The following ALPK3 variants were observed in gnomAD, a reference collection of about 807,000 sequenced individuals.
ALPK3 encodes the protein alpha kinase 3.
A neutral mutation model predicts 140.0 loss-of-function variants in ALPK3; 102 were observed. The observed-to-expected ratio is 0.73, with a 90% CI of 0.62 to 0.86. ALPK3 has a LOEUF of 0.86. ALPK3 is among the 40% of genes least tolerant of loss of function. ALPK3 has a pLI of 0.00. For synonymous variants in ALPK3, 938 were observed against 898.5 expected (o/e 1.04, Z -0.79); for missense variants, 2,254 against 2,208.2 (o/e 1.02, Z -0.42).
Position 84,863,596 on chromosome 15 carries a change from C to G in ALPK3, c.4455C>G (p.Phe1485Leu), listed in dbSNP as rs549536913. 4 of 1,613,950 alleles carry G rather than the reference C, an allele frequency of 2.5e-6. No homozygotes were observed. In the African/African-American group the frequency reaches 5.3e-5, roughly 22 times the overall value. Reference sequence around the variant, plus strand: ...TGAGTCGGGAGTACTGCAAAATCTTCGCAGCAGAAGCCCGGGCCGCGCCTG... The same window carrying G: ...TGAGTCGGGAGTACTGCAAAATCTTGGCAGCAGAAGCCCGGGCCGCGCCTG... ...QNMSREYCKI[F>L]AAEARAAPGF... is the part of the protein sequence containing the mutation. The change falls in exon 11 of 14, where the codon TTC becomes TTG. Residue 1485 changes from phenylalanine to leucine, a missense_variant. Around this residue, in one of 3 missense-constraint regions of ALPK3, gnomAD observed 2,088 missense variants for 2,022.9 expected, o/e 1.03. Transcript: ENST00000258888.
intron 5 of ALPK3, among the ~76,000 whole-genome samples, chr15:84,851,187 A>G (rs1279500138): frequency 1.3e-5 from 2 of 152,192 alleles, no homozygotes; most frequent in Non-Finnish European, 2.9e-5. Flanking sequence ...TAAAGAAGAA[A>G]AGAAACTTGA....
In ALPK3 at chr15:84,840,306, G is replaced by A. The variant is rs367619588; in HGVS notation, c.1027G>A (p.Glu343Lys). 2.5e-6 allele frequency: 4 copies of A among 1,613,930 alleles called. No homozygotes were observed. In the African/African-American group the frequency reaches 4.0e-5, roughly 16 times the overall value. Residue 343 changes from glutamate (E) to lysine (K), a missense_variant, in exon 5 of 14, where the codon GAA (glutamate) becomes AAA (lysine). Glu to Lys is a moderately conservative substitution (Grantham distance 56). Transcript: ENST00000258888. ...EKAAQSRRSS[E>K]NCIPSSDEPD... The stretch of plus-strand genomic sequence containing the variant: ...GGCAGCCCAAAGCCGCCGTTCTTCA[G>A]AAAACTGCATCCCCAGCTCAGACGA...
At chr15:84,824,521 C>T (rs1326891350) in intron 2 of ALPK3, among the ~76,000 whole-genome samples, 1 of 152,200 alleles carries the variant, frequency 6.6e-6, no homozygotes, top group Non-Finnish European at 1.5e-5. Flanking sequence ...CTAATGTTTA[C>T]AGACATGATT....
intron 11 of ALPK3, 23 bp from the exon 12 acceptor site, chr15:84,864,419 C>A (rs373989299): frequency 1.9e-6 from 3 of 1,601,828 alleles, no homozygotes; most frequent in Non-Finnish European, 2.6e-6. Context: ...TTCCTGCTTA[C>A]TGCAGGGTGA....
rs766368279 is a variant in ALPK3, at chr15:84,859,797, G to A, written c.3987G>A (p.Ala1329=). The A allele has an allele frequency of 8.1e-6, 13 of 1,613,204 alleles. No individual in the cohort carries two copies. The highest frequency in any genetic ancestry group is 2.7e-5 in the African/African-American group (2 of 75,048). ...VGRSAGDEGP[A]ALAIVQASPV... is the part of the protein sequence containing the mutation. ...GCAGCGCAGGGGATGAGGGGCCGGC[G>A]GCCTTGGCCATCGTGCAGGCCTCCC... The change falls in exon 8 of 14, where the codon GCG becomes GCA. Residue 1329 remains alanine, a synonymous_variant. Transcript: ENST00000258888.
chr15:84,818,201 C>G (rs555376252), intron 1 of ALPK3, among the ~76,000 whole-genome samples: 1 of 152,300 alleles, frequency 6.6e-6, no homozygotes, highest in South Asian at 2.1e-4. Context: ...TAAGGACTTG[C>G]AGCTCTGAGG....
chr15:84,839,255 C>T (rs1963629523), intron 4 of ALPK3, among the ~76,000 whole-genome samples, 158 bp downstream of exon 4: 1 of 152,220 alleles, frequency 6.6e-6, no homozygotes, highest in Non-Finnish European at 1.5e-5. Context: ...CCTGGTGAAC[C>T]ACATCTGCCT....
At position 84,856,618 on chromosome 15, in the gene ALPK3, C is replaced by T; in HGVS notation, c.1880C>T (p.Thr627Ile). Residue 627 changes from threonine to isoleucine, a missense_variant, in exon 6 of 14, where the codon ACA (threonine) becomes ATA (isoleucine). Thr to Ile is a moderately conservative substitution (Grantham distance 89). Around this residue, in one of 3 missense-constraint regions of ALPK3, gnomAD observed 2,088 missense variants for 2,022.9 expected, o/e 1.03. Coordinates refer to ENST00000258888, the MANE Select transcript of ALPK3 (RefSeq NM_020778.5). ...GATGGAAGGACCAGGGGAGATGGAACACAGACAGCCCAGAGGACACGTGCA... is the reference window on the plus strand; with the variant it reads ...GATGGAAGGACCAGGGGAGATGGAATACAGACAGCCCAGAGGACACGTGCA... ...QVDGRTRGDGTQTAQRTRADR... is the reference protein window; with the variant it reads ...QVDGRTRGDGIQTAQRTRADR... 6.2e-7 allele frequency: 1 copy of T among 1,614,080 alleles called. No individual in the cohort carries two copies. Among genetic ancestry groups the T allele is most frequent in the Non-Finnish European group, 8.5e-7 (1 of 1,180,026 alleles).
At position 84,858,161 on chromosome 15, in the gene ALPK3, G is replaced by T. The variant is rs1366088854; in HGVS notation, c.3423G>T (p.Glu1141Asp). The T allele has an allele frequency of 6.2e-7, 1 of 1,609,488 alleles. No homozygotes were observed. The highest frequency in any genetic ancestry group is 8.5e-7 in the Non-Finnish European group (1 of 1,178,328). The part of the protein sequence containing the change: ...ESIAQEPSQE[E>D]KFPGEALTGL... Reference sequence around the variant, plus strand: ...TAGCCCAGGAGCCCTCCCAAGAGGAGAAGTTCCCAGGGGAGGCTCTGACAG... The same window carrying T: ...TAGCCCAGGAGCCCTCCCAAGAGGATAAGTTCCCAGGGGAGGCTCTGACAG... The change falls in exon 6 of 14, where the codon GAG becomes GAT. Residue 1141 changes from glutamate to aspartate, a missense_variant. Transcript: ENST00000258888.
In ALPK3 at chr15:84,868,546, C is replaced by A; in HGVS notation, c.*90C>A. 1.6e-6 allele frequency: 2 copies of A among 1,279,544 alleles called. No individual in the cohort carries two copies. Among genetic ancestry groups the A allele is most frequent in the Non-Finnish European group, 2.1e-6 (2 of 949,500 alleles). 79.3% of individuals were successfully genotyped at this position (1,279,544 alleles called of 1,614,324 possible). A position where few individuals can be genotyped will look rare whatever the true frequency, so the allele number is the denominator to read the frequency against. ...GGAGACTTTCCAAATATGGAACTAA[C>A]TGGAGAAGGTGCACGAAGGAGACAC... On this transcript the variant is annotated 3_prime_UTR_variant, in exon 14 of 14. Coordinates refer to ENST00000258888, the MANE Select transcript of ALPK3 (RefSeq NM_020778.5).
chr15:84,865,465 G>T (rs1963992414), intron 12 of ALPK3, among the ~76,000 whole-genome samples: 1 of 152,138 alleles, frequency 6.6e-6, no homozygotes, highest in Non-Finnish European at 1.5e-5. Context: ...ATACTGGGGG[G>T]AGGGCGGGCT....
chr15:84,862,740 G>T lies in ALPK3; in HGVS notation c.4235G>T (p.Arg1412Leu), dbSNP rs769568552. ...LFGRLVSEEL[R>L]GGGYGCGLRK... is the part of the protein sequence containing the mutation. ...GGGCGACTGGTAAGCGAGGAGCTCCGAGGGGGTGGATATGGGTGTGGCCTT... is the reference window on the plus strand; with the variant it reads ...GGGCGACTGGTAAGCGAGGAGCTCCTAGGGGGTGGATATGGGTGTGGCCTT... Residue 1412 changes from arginine (R) to leucine (L), a missense_variant, in exon 10 of 14, where the codon CGA (arginine) becomes CTA (leucine). This residue lies in a region of ALPK3 where 2,088 missense variants were observed against 2,022.9 expected (regional missense o/e 1.03). Coordinates refer to ENST00000258888, the MANE Select transcript of ALPK3 (RefSeq NM_020778.5). 6.8e-6 allele frequency: 11 copies of T among 1,614,138 alleles called. No homozygotes were observed. The highest frequency in any genetic ancestry group is 8.5e-6 in the Non-Finnish European group (10 of 1,180,020).
rs1396554659 is a variant in ALPK3, at chr15:84,817,424, C to T, written c.-29C>T. 14 of 1,248,544 alleles carry T rather than the reference C, an allele frequency of 1.1e-5. No homozygotes were observed. The highest frequency in any genetic ancestry group is 3.0e-5 in the South Asian group (1 of 32,816). 77.3% of individuals were successfully genotyped at this position (1,248,544 alleles called of 1,614,324 possible). On this transcript the variant is annotated 5_prime_UTR_variant, in exon 1 of 14. Transcript: ENST00000258888. ...AGGACAGGCGAGGCAGCGGCGAGTGCGGGGCCGGCGGTCGGGGAGGGCGGT... is the reference window on the plus strand; with the variant it reads ...AGGACAGGCGAGGCAGCGGCGAGTGTGGGGCCGGCGGTCGGGGAGGGCGGT...
chr15:84,839,642 G>C lies in ALPK3; in HGVS notation c.423-60G>C. On this transcript the variant is annotated intron_variant, in intron 4 of 13. Coordinates refer to ENST00000258888, the MANE Select transcript of ALPK3 (RefSeq NM_020778.5). ...CGGCTCTGAACGGCTCTGGCTGGGG[G>C]GTGTGGGGGCTCTCACCTCCCAGGA... is the stretch of plus-strand genomic sequence containing the variant. 4 of 1,528,814 alleles carry C rather than the reference G, an allele frequency of 2.6e-6. No homozygotes were observed. The South Asian group carries it at 3.8e-5, about 14-fold the overall frequency. The allele number at this position is 1,528,814 out of a possible 1,614,324, so 94.7% of individuals were successfully genotyped here. A position where few individuals can be genotyped will look rare whatever the true frequency, so the allele number is the denominator to read the frequency against.
In ALPK3 at chr15:84,867,342, G is replaced by A; in HGVS notation, c.4749G>A (p.Val1583=). 2 of 1,613,994 alleles carry A rather than the reference G, an allele frequency of 1.2e-6. No homozygotes were observed. Among genetic ancestry groups the A allele is most frequent in the East Asian group, 2.2e-5 (1 of 44,768 alleles). The change falls in exon 13 of 14, where the codon GTG becomes GTA. Residue 1583 remains valine, a synonymous_variant. Transcript: ENST00000258888. ...GGGTTGACTGGAAGATGACTGATGTGCAGATTGCTACCAAACTCCGAGGGT... is the reference window on the plus strand; with the variant it reads ...GGGTTGACTGGAAGATGACTGATGTACAGATTGCTACCAAACTCCGAGGGT... ...LAGVDWKMTD[V]QIATKLRGYQ...
rs774151931 is a variant in ALPK3, at chr15:84,858,119, G to C, written c.3381G>C (p.Gly1127=). The change falls in exon 6 of 14, where the codon GGG becomes GGC. Residue 1127 remains glycine, a synonymous_variant. Transcript: ENST00000258888. The part of the protein sequence containing the change: ...EAGGQAAPGQ[G]PSAESIAQEP... ...GTGGGCAGGCAGCCCCTGGACAGGG[G>C]CCCTCAGCAGAGAGCATAGCCCAGG... 1.9e-6 allele frequency: 3 copies of C among 1,580,550 alleles called. No individual in the cohort carries two copies. Among genetic ancestry groups the C allele is most frequent in the African/African-American group, 2.7e-5 (2 of 73,564 alleles).
At position 84,856,474 on chromosome 15, in the gene ALPK3, C is replaced by T; in HGVS notation, c.1736C>T (p.Ser579Phe). The T allele has an allele frequency of 6.2e-7, 1 of 1,614,108 alleles. No individual in the cohort carries two copies. Among genetic ancestry groups the T allele is most frequent in the South Asian group, 1.1e-5 (1 of 91,072 alleles). ...GTAGCCTCCATTGGGGTTAGCACTT[C>T]CGGAAGTCAAGGTATCATTGAACCC... ...SDVASIGVST[S>F]GSQGIIEPMD... Residue 579 changes from serine (S) to phenylalanine (F), a missense_variant, in exon 6 of 14, where the codon TCC (serine) becomes TTC (phenylalanine). Coordinates refer to ENST00000258888, the MANE Select transcript of ALPK3 (RefSeq NM_020778.5).
chr15:84,868,443 A>C lies in ALPK3; in HGVS notation c.5105A>C (p.Gln1702Pro). 6.2e-7 allele frequency: 1 copy of C among 1,608,332 alleles called. No homozygotes were observed. The highest frequency in any genetic ancestry group is 8.5e-7 in the Non-Finnish European group (1 of 1,179,774). The change falls in exon 14 of 14, where the codon CAG becomes CCG. Residue 1702 changes from glutamine to proline, a missense_variant. This residue lies in a region of ALPK3 where 158 missense variants were observed against 159.8 expected (regional missense o/e 0.99). Coordinates refer to ENST00000258888, the MANE Select transcript of ALPK3 (RefSeq NM_020778.5). ...PPTQEEGSKA[Q>P]GMR is the part of the protein sequence containing the mutation. ...ACCCAAGAGGAGGGCTCCAAGGCCC[A>C]GGGCATGCGGTAGCCTCCGCAGAGG...
At chr15:84,836,499 G>A (rs1963598827) in intron 3 of ALPK3, among the ~76,000 whole-genome samples, 1 of 152,230 alleles carries the variant, frequency 6.6e-6, no homozygotes, top group Non-Finnish European at 1.5e-5. Flanking sequence ...TATATTCTAA[G>A]GGAGGGCCAG....
Sources: gnomAD v4.1 joint callset for allele counts (sites outside exome capture counted in the v4.1 genomes callset) on GRCh38, gnomAD v4.1.1 for gene constraint, gnomAD v4.1.1 regional missense constraint, MANE v1.5 for transcripts, NCBI Gene and HGNC (gene_info 2026-07-23, HGNC 2026-07-21) for gene names.